Variants in MFSD6 observed in about 807,000 individuals in gnomAD.
The protein encoded by MFSD6 is major facilitator superfamily domain-containing protein 6.
MFSD6 carries 26 observed loss-of-function variants against 56.3 expected under a neutral mutation model. That is an observed-to-expected ratio of 0.46 (90% CI 0.34 to 0.64). The LOEUF (loss-of-function observed/expected upper bound fraction) is 0.64, where lower values mean the gene tolerates loss of function less well. Ranked by LOEUF, MFSD6 falls within the 30% of genes least tolerant of loss-of-function variation. The pLI, the probability that MFSD6 is intolerant of heterozygous loss-of-function variation, is 0.01. For synonymous variants in MFSD6, 331 were observed against 366.9 expected, an observed-to-expected ratio of 0.90 and a Z score of 1.12; for missense variants, 750 against 986.2, an observed-to-expected ratio of 0.76 and a Z score of 3.21.
intron 2 of MFSD6, among the ~76,000 whole-genome samples, chr2:190,421,760 T>C (rs781054009): frequency 1.3e-5 from 2 of 152,104 alleles, no homozygotes; most frequent in Non-Finnish European, 2.9e-5. Flanking sequence ...GGGATCTCAC[T>C]ATGTTGCCCA....
rs1685765289 is a variant in MFSD6 at position 190,425,689 on chromosome 2, G to A, written c.-54+10276G>A. On this transcript the variant is annotated intron_variant, in intron 2 of 7. Coordinates refer to ENST00000392328, the MANE Select transcript of MFSD6 (RefSeq NM_017694.4). This position sits in a 1 kb window ranked among gnomAD's most constrained non-coding sequence, Gnocchi z 4.3. ...AATATTGCATCAGCCTTGTATTTTTGGAATCAACCACACTTTGTCATGTTG... is the reference window on the plus strand; with the variant it reads ...AATATTGCATCAGCCTTGTATTTTTAGAATCAACCACACTTTGTCATGTTG... Among the ~76,000 whole-genome samples the A allele has an allele frequency of 6.6e-6, 1 of 151,874 alleles. No individual in the cohort carries two copies. The highest frequency in any genetic ancestry group is 1.5e-5 in the Non-Finnish European group (1 of 67,976).
In MFSD6 at chr2:190,437,227, G is replaced by T. The variant is rs1391934270; in HGVS notation, c.1198G>T (p.Asp400Tyr). The T allele has an allele frequency of 3.1e-6, 5 of 1,614,216 alleles. No individual in the cohort carries two copies. In the Admixed American group the frequency reaches 8.3e-5, roughly 27 times the overall value. Residue 400 changes from aspartate (D) to tyrosine (Y), a missense_variant, in exon 3 of 8, where the codon GAT becomes TAT. Physicochemically the swap from Asp to Tyr is radical, Grantham distance 160. Coordinates refer to ENST00000392328, the MANE Select transcript of MFSD6 (RefSeq NM_017694.4). This position sits in a 1 kb window ranked among gnomAD's most constrained non-coding sequence, Gnocchi z 5.9. ...CCGCTACAACCATTTCAAAAACGAT[G>T]ATTCTAAAGGGAAAGAGGTGGAGAT... ...RFRYNHFKND[D>Y]SKGKEVEIPQ...
chr2:190,471,952 C>G lies in MFSD6; in HGVS notation c.1630+2097C>G, dbSNP rs1687965391. Among the ~76,000 whole-genome samples the G allele has an allele frequency of 6.6e-6, 1 of 152,324 alleles. No homozygotes were observed. The highest frequency in any genetic ancestry group is 6.5e-5 in the Admixed American group (1 of 15,302). On this transcript the variant is annotated intron_variant, in intron 4 of 7. Coordinates refer to ENST00000392328, the MANE Select transcript of MFSD6 (RefSeq NM_017694.4). The surrounding 1 kb of genome is among the most constrained non-coding windows in gnomAD (Gnocchi z 4.7). ...TTCACCAATATCCGCTGTTCTGCAGCTTTCACTGCTGATACCCAGGCAAAC... is the reference window on the plus strand; with the variant it reads ...TTCACCAATATCCGCTGTTCTGCAGGTTTCACTGCTGATACCCAGGCAAAC...
At chr2:190,408,174 G>A (rs1690379219), upstream of MFSD6, among the ~76,000 whole-genome samples, 1 of 151,916 alleles carries the variant, frequency 6.6e-6, no homozygotes, top group Non-Finnish European at 1.5e-5. Flanking sequence ...GCCCGGCCCT[G>A]AAACGGGTCC....
Position 190,467,998 on chromosome 2 carries a change from T to C in MFSD6, c.1533-1760T>C, listed in dbSNP as rs1000235225. ...GTGTTTGCTGACCCCTGAGTTAGGG[T>C]AAAGAGAGGCCACCCACAGGGCTGG... is the stretch of plus-strand genomic sequence containing the variant. On this transcript the variant is annotated intron_variant, in intron 3 of 7. Transcript: ENST00000392328. This position sits in a 1 kb window ranked among gnomAD's most constrained non-coding sequence, Gnocchi z 5.5. 2.0e-5 allele frequency among the ~76,000 whole-genome samples: 3 copies of C among 152,166 alleles called. No individual in the cohort carries two copies. The highest frequency in any genetic ancestry group is 7.2e-5 in the African/African-American group (3 of 41,436).
In MFSD6 at chr2:190,498,927, A is replaced by G. The variant is rs1389928666; in HGVS notation, c.2173-1088A>G. Among the ~76,000 whole-genome samples, 1 of 152,074 alleles carries G rather than the reference A, an allele frequency of 6.6e-6. No individual in the cohort carries two copies. The highest frequency in any genetic ancestry group is 1.5e-5 in the Non-Finnish European group (1 of 67,994). On this transcript the variant is annotated intron_variant, in intron 7 of 7. Transcript: ENST00000392328. The surrounding 1 kb of genome is among the most constrained non-coding windows in gnomAD (Gnocchi z 5.9). Reference sequence around the variant, plus strand: ...CACTTTGGGAGGCCGAGGTGGGTGGATCACGAGGTCAGGAGTTCAAGACCA... The same window carrying G: ...CACTTTGGGAGGCCGAGGTGGGTGGGTCACGAGGTCAGGAGTTCAAGACCA...
intron 3 of MFSD6, among the ~76,000 whole-genome samples, chr2:190,448,510 A>C (rs998269556): frequency 6.6e-5 from 10 of 152,248 alleles, no homozygotes; most frequent in Admixed American, 3.3e-4. Context: ...TCAATATGCC[A>C]ACATGGAAAG....
At position 190,497,497 on chromosome 2, in the gene MFSD6, C is replaced by T. The variant is rs541297828; in HGVS notation, c.1950C>T (p.Thr650=). The T allele has an allele frequency of 6.2e-7, 1 of 1,614,098 alleles. No homozygotes were observed. The highest frequency in any genetic ancestry group is 1.1e-5 in the South Asian group (1 of 91,078). ...PVPSSPVPIA[T]IDLVQQQTED... is the part of the protein sequence containing the mutation. ...CCTCCAGTCCCGTTCCTATAGCAAC[C>T]ATCGACTTGGTACAGCAACAGACAG... is the stretch of plus-strand genomic sequence containing the variant. The change falls in exon 7 of 8, where the codon ACC becomes ACT. Residue 650 remains threonine (T), a synonymous_variant. Transcript: ENST00000392328. The surrounding 1 kb of genome is among the most constrained non-coding windows in gnomAD (Gnocchi z 5.2).
At chr2:190,452,398 G>C (rs536348633) in intron 3 of MFSD6, among the ~76,000 whole-genome samples, 2 of 152,204 alleles carry the variant, frequency 1.3e-5, no homozygotes, top group Admixed American at 6.5e-5. Flanking sequence ...CAAAAGCATC[G>C]TGCTAAATGC....
rs951895167 is a variant in MFSD6 at position 190,496,680 on chromosome 2, A to G, written c.1892-759A>G. Among the ~76,000 whole-genome samples, 1 of 151,838 alleles carries G rather than the reference A, an allele frequency of 6.6e-6. No homozygotes were observed. Among genetic ancestry groups the G allele is most frequent in the Non-Finnish European group, 1.5e-5 (1 of 67,892 alleles). On this transcript the variant is annotated intron_variant, in intron 6 of 7. Transcript: ENST00000392328. The surrounding 1 kb of genome is among the most constrained non-coding windows in gnomAD (Gnocchi z 4.7). ...TATATGTGTGTGTATGTGTGTGTGT[A>G]TATACACACACACACATATACATAC...
chr2:190,464,981 T>G, intron 3 of MFSD6: 1 of 824,456 alleles, frequency 1.2e-6, no homozygotes, highest in Non-Finnish European at 1.5e-6. Context: ...CACAACTAAC[T>G]ACACTGTTAG....
intron 2 of MFSD6, among the ~76,000 whole-genome samples, chr2:190,422,790 AT>A (rs1685669960): frequency 6.6e-6 from 1 of 150,760 alleles, no homozygotes; most frequent in South Asian, 2.1e-4. Context: ...TCTTCCCTTA[AT>A]TTTTTTCTTT....
At chr2:190,450,751 C>T (rs1313843916) in intron 3 of MFSD6, among the ~76,000 whole-genome samples, 1 of 152,186 alleles carries the variant, frequency 6.6e-6, no homozygotes, top group Non-Finnish European at 1.5e-5. Context: ...CCTCAGCCTC[C>T]GAAAGTGCTG....
Position 190,451,980 on chromosome 2 carries a change from A to T in MFSD6, c.1532+14419A>T, listed in dbSNP as rs1317405769. Among the ~76,000 whole-genome samples the T allele has an allele frequency of 6.6e-6, 1 of 152,166 alleles. No individual in the cohort carries two copies. The highest frequency in any genetic ancestry group is 1.5e-5 in the Non-Finnish European group (1 of 68,024). On this transcript the variant is annotated intron_variant, in intron 3 of 7. Coordinates refer to ENST00000392328, the MANE Select transcript of MFSD6 (RefSeq NM_017694.4). This position sits in a 1 kb window ranked among gnomAD's most constrained non-coding sequence, Gnocchi z 5.0. ...TTCTTCATTCTCTGAGTTTTAGAGAAATTACAAGCTGTGCTGTTTTTTTGA... is the reference window on the plus strand; with the variant it reads ...TTCTTCATTCTCTGAGTTTTAGAGATATTACAAGCTGTGCTGTTTTTTTGA...
Position 190,489,416 on chromosome 2 carries a change from T to C in MFSD6, c.1793-352T>C, listed in dbSNP as rs964689605. On this transcript the variant is annotated intron_variant, in intron 5 of 7. Coordinates refer to ENST00000392328, the MANE Select transcript of MFSD6 (RefSeq NM_017694.4). The surrounding 1 kb of genome is among the most constrained non-coding windows in gnomAD (Gnocchi z 6.6). ...TATAGCACTATTTGAGCACTGCTGT[T>C]CCAACTACAGATTAATAGTGCTGTT... Among the ~76,000 whole-genome samples the C allele has an allele frequency of 2.0e-5, 3 of 152,216 alleles. No homozygotes were observed. Among genetic ancestry groups the C allele is most frequent in the African/African-American group, 7.2e-5 (3 of 41,460 alleles).
rs1030674057 is a variant in MFSD6 at position 190,497,416 on chromosome 2, T to A, written c.1892-23T>A. On this transcript the variant is annotated intron_variant, in intron 6 of 7. Coordinates refer to ENST00000392328, the MANE Select transcript of MFSD6 (RefSeq NM_017694.4). The surrounding 1 kb of genome is among the most constrained non-coding windows in gnomAD (Gnocchi z 5.2). ...TATGTAGAAAATGCTGAAAAAATAG[T>A]TTAAACATTCTTTTCTCTCCAGACA... The A allele has an allele frequency of 2.5e-6, 4 of 1,604,162 alleles. No homozygotes were observed. Among genetic ancestry groups the A allele is most frequent in the Non-Finnish European group, 3.4e-6 (4 of 1,174,498 alleles).
Position 190,485,837 on chromosome 2 carries a change from GAAAC to G in MFSD6, c.1631-2818_1631-2815del, listed in dbSNP as rs1047057691. 6.6e-6 allele frequency among the ~76,000 whole-genome samples: 1 copy of G among 151,468 alleles called. No individual in the cohort carries two copies. Among genetic ancestry groups the G allele is most frequent in the Non-Finnish European group, 1.5e-5 (1 of 67,914 alleles). On this transcript the variant is annotated intron_variant, in intron 4 of 7. Transcript: ENST00000392328. This position sits in a 1 kb window ranked among gnomAD's most constrained non-coding sequence, Gnocchi z 5.1. ...AAAAAACCTAGTTAAAATGATGACT[GAAAC>G]ATATATAAAACCTAAGAAAGTTATT... is the stretch of plus-strand genomic sequence containing the variant.
At chr2:190,446,871 T>A (rs1190791114) in intron 3 of MFSD6, among the ~76,000 whole-genome samples, 1 of 152,178 alleles carries the variant, frequency 6.6e-6, no homozygotes, top group Non-Finnish European at 1.5e-5. Context: ...ACTGATTCTA[T>A]TTTAGAACAG....
At position 190,499,909 on chromosome 2, in the gene MFSD6, TC is replaced by T. The variant is rs1689936174; in HGVS notation, c.2173-104del. On this transcript the variant is annotated intron_variant, in intron 7 of 7. Transcript: ENST00000392328. The surrounding 1 kb of genome is among the most constrained non-coding windows in gnomAD (Gnocchi z 6.0). ...TTACTTGGTCCCTGAAATGGGCACT[TC>T]CGGATGATCTCCCCATGTTTCCTGT... 2 of 1,575,662 alleles carry T rather than the reference TC, an allele frequency of 1.3e-6. No individual in the cohort carries two copies. Among genetic ancestry groups the T allele is most frequent in the South Asian group, 2.3e-5 (2 of 86,288 alleles).
Sources: gnomAD v4.1 joint callset for allele counts (sites outside exome capture counted in the v4.1 genomes callset) on GRCh38, gnomAD v4.1.1 for gene constraint, Gnocchi (gnomAD v3.1) non-coding constraint, MANE v1.5 for transcripts, NCBI Gene and HGNC (gene_info 2026-07-23, HGNC 2026-07-21) for gene names.